TTC7A: variants seen among roughly 807,000 people sequenced by gnomAD.
TTC7A encodes tetratricopeptide repeat protein 7A.
Under a neutral mutation model 103.7 loss-of-function variants are expected in TTC7A, and 110 were observed. The observed-to-expected ratio is 1.06, with a 90% CI of 0.91 to 1.24. The LOEUF is 1.24. Ranked by LOEUF, TTC7A falls within the 50% of genes most tolerant of loss-of-function variation. The pLI is 0.00. For synonymous variants in TTC7A, 521 were observed against 467.9 expected (o/e 1.11, Z -1.47); for missense variants, 1,340 against 1,116.3 (o/e 1.20, Z -2.86).
At chr2:46,985,559 G>C (rs1012689647) in intron 5 of TTC7A, among the ~76,000 whole-genome samples, 1 of 152,230 alleles carries the variant, frequency 6.6e-6, no homozygotes, top group African/African-American at 2.4e-5. Context: ...ATGCCTTTCT[G>C]TATAATCCTG....
intron 16 of TTC7A, 88 bp from the exon 17 acceptor site, chr2:47,049,861 G>C: frequency 1.0e-6 from 1 of 979,314 alleles, no homozygotes; most frequent in Non-Finnish European, 1.6e-6. Context: ...CTCCCTGCCA[G>C]TCCTTGTGAT....
At chr2:47,067,757 AGG>A (rs1684301539) in intron 19 of TTC7A, 2 of 152,156 alleles carry the variant, frequency 1.3e-5, no homozygotes, top group Non-Finnish European at 2.9e-5. Flanking sequence ...TGTTAGAATT[AGG>A]TTAAATAATT....
At chr2:46,998,018 C>T (rs1382710197) in intron 8 of TTC7A, among the ~76,000 whole-genome samples, 1 of 152,084 alleles carries the variant, frequency 6.6e-6, no homozygotes, top group Non-Finnish European at 1.5e-5. Context: ...TTTTGTAAGA[C>T]AGTGTGGCTG....
chr2:46,932,018 G>A lies in TTC7A; in HGVS notation c.82+14741G>A, dbSNP rs139037339. Reference sequence around the variant, plus strand: ...GAAGAAAAATCATATGACAATCTCAGTAAGTGCAAAGAAGTATTCGTAAAA... The same window carrying A: ...GAAGAAAAATCATATGACAATCTCAATAAGTGCAAAGAAGTATTCGTAAAA... On this transcript the variant is annotated intron_variant, in intron 2 of 20. Coordinates refer to the TTC7A transcript ENST00000409245. Among the ~76,000 whole-genome samples, 297 of 152,216 alleles carry A rather than the reference G, an allele frequency of 2.0e-3. 1 individual carries two copies. Among genetic ancestry groups the A allele is most frequent in the Non-Finnish European group, 2.4e-3 (166 of 68,018 alleles).
At position 47,050,050 on chromosome 2, in the gene TTC7A, A is replaced by T; in HGVS notation, c.2017+4A>T. On this transcript the variant is annotated splice_donor_region_variant and intron_variant, in intron 17 of 19. Transcript: ENST00000319190. ...GATGCCCATGATGCAGACTCTGGTA[A>T]GAACGAGCTCCTTGGGCCACTGTGT... is the stretch of plus-strand genomic sequence containing the variant. 1 of 1,612,316 alleles carries T rather than the reference A, an allele frequency of 6.2e-7. No individual in the cohort carries two copies. The highest frequency in any genetic ancestry group is 1.1e-5 in the South Asian group (1 of 91,044).
rs55634000 is a variant in TTC7A at position 46,965,563 on chromosome 2, A to ATT, written c.517+8573_517+8574dup. On this transcript the variant is annotated intron_variant, in intron 3 of 19. Transcript: ENST00000319190. Reference sequence around the variant, plus strand: ...GAATTAATCCGTTTTCCCTGGATTCATTTTTTTTTTTTTTTTTTGAGACAG... The same window carrying ATT: ...GAATTAATCCGTTTTCCCTGGATTCATTTTTTTTTTTTTTTTTTTTGAGACAG... Among the ~76,000 whole-genome samples, 282 of 135,392 alleles carry ATT rather than the reference A, an allele frequency of 2.1e-3. 1 individual carries two copies. Among genetic ancestry groups the ATT allele is most frequent in the South Asian group, 3.6e-3 (15 of 4,224 alleles). 88.8% of individuals were successfully genotyped at this position (135,392 alleles called of 152,430 possible).
intron 11 of TTC7A, among the ~76,000 whole-genome samples, chr2:47,018,334 A>T (rs976602479): frequency 1.3e-5 from 2 of 148,250 alleles, no homozygotes; most frequent in African/African-American, 5.0e-5. Flanking sequence ...TGTAATCCCA[A>T]CGCTTTTGGA....
chr2:46,929,624 G>A (rs890746651), intron 2 of TTC7A, among the ~76,000 whole-genome samples: 18 of 152,150 alleles, frequency 1.2e-4, no homozygotes, highest in Admixed American at 6.6e-4. Flanking sequence ...TAGCTAACAC[G>A]GGGGTACAGC....
chr2:47,056,888 G>A (rs909474568), intron 18 of TTC7A, among the ~76,000 whole-genome samples: 2 of 143,526 alleles, frequency 1.4e-5, no homozygotes, highest in South Asian at 2.2e-4. Context: ...CAGGGGCACC[G>A]TGTGCCCAAA....
At chr2:47,011,889 C>G (rs928469083) in intron 11 of TTC7A, among the ~76,000 whole-genome samples, 10 of 152,260 alleles carry the variant, frequency 6.6e-5, no homozygotes, top group African/African-American at 2.2e-4. Flanking sequence ...CCTCTCCTTC[C>G]TCTTGGCTCC....
intron 5 of TTC7A, among the ~76,000 whole-genome samples, chr2:46,987,815 T>A (rs537862089): frequency 7.0e-6 from 1 of 143,456 alleles, no homozygotes; most frequent in African/African-American, 2.7e-5. Flanking sequence ...CGCGCGTGTG[T>A]GTGTGTGTGT....
intron 8 of TTC7A, among the ~76,000 whole-genome samples, chr2:46,997,322 G>A (rs1676307545): frequency 6.6e-6 from 1 of 152,114 alleles, no homozygotes; most frequent in Non-Finnish European, 1.5e-5. Flanking sequence ...GAGGCTTCCA[G>A]TGCAATTTAC....
chr2:46,934,789 T>C (rs9917182), intron 2 of TTC7A, among the ~76,000 whole-genome samples: 14,603 of 36,692 alleles, frequency 0.4, 1,671 homozygotes, highest in East Asian at 0.54. Flanking sequence ...CTACTGCTCT[T>C]TTTTTTTTTT....
chr2:47,009,509 C>A (rs149097634), intron 10 of TTC7A, among the ~76,000 whole-genome samples: 1 of 152,156 alleles, frequency 6.6e-6, no homozygotes, highest in African/African-American at 2.4e-5. Flanking sequence ...AAATCTATCA[C>A]GTCTGGGTTG....
intron 10 of TTC7A, among the ~76,000 whole-genome samples, chr2:47,010,332 T>C (rs1260084100): frequency 6.6e-6 from 1 of 152,208 alleles, no homozygotes; most frequent in South Asian, 2.1e-4. Context: ...CCAGTAAAAC[T>C]TTATTTACAA....
At chr2:46,976,335 A>G (rs1346893404) in intron 4 of TTC7A, among the ~76,000 whole-genome samples, 1 of 152,186 alleles carries the variant, frequency 6.6e-6, no homozygotes, top group African/African-American at 2.4e-5. Context: ...GAACCCAGGG[A>G]GTGTGGCTGT....
At chr2:47,018,288 A>T (rs1210312052) in intron 11 of TTC7A, among the ~76,000 whole-genome samples, 1 of 150,280 alleles carries the variant, frequency 6.7e-6, no homozygotes, top group Admixed American at 6.6e-5. Context: ...TCAGAAAAAA[A>T]AAAAAAAAAG....
intron 19 of TTC7A, chr2:47,065,864 C>T (rs1012357672): frequency 3.3e-5 from 5 of 152,168 alleles, no homozygotes; most frequent in South Asian, 4.1e-4. Context: ...AGTGGACAAG[C>T]GAGGTGTCTG....
chr2:47,011,275 G>A, intron 10 of TTC7A, 56 bp from the exon 11 acceptor site: 1 of 1,523,896 alleles, frequency 6.6e-7, no homozygotes, highest in Admixed American at 1.7e-5. Context: ...CCCCACTGTG[G>A]GCCCTTGAGA....
Sources: allele counts gnomAD v4.1 joint callset (sites outside exome capture counted in the v4.1 genomes callset), GRCh38; gene constraint gnomAD v4.1.1; transcripts MANE v1.5; gene names NCBI Gene and HGNC (gene_info 2026-07-23, HGNC 2026-07-21).